Variants in UNC5C observed in about 807,000 individuals in gnomAD.
UNC5C encodes netrin receptor UNC5C.
A neutral mutation model predicts 99.8 loss-of-function variants in UNC5C; 47 were observed. That is an observed-to-expected ratio of 0.47 (90% CI 0.37 to 0.60). UNC5C has a LOEUF of 0.60. UNC5C is among the 20% of genes least tolerant of loss of function. The probability of loss-of-function intolerance (pLI) is 0.00; values close to 1 mark genes in which losing one functional copy is unlikely to be tolerated. For synonymous variants in UNC5C, 487 were observed against 452.2 expected (o/e 1.08, Z -0.98); for missense variants, 1,062 against 1,165.9 (o/e 0.91, Z 1.30).
chr4:95,454,265 C>T (rs1403932104), intron 1 of UNC5C, among the ~76,000 whole-genome samples: 1 of 143,916 alleles, frequency 6.9e-6, no homozygotes, highest in Non-Finnish European at 1.5e-5. Context: ...GTCAATCAGA[C>T]TCTTCACTCT....
intron 1 of UNC5C, among the ~76,000 whole-genome samples, chr4:95,423,322 T>G (rs1054493320): frequency 1.3e-5 from 2 of 152,222 alleles, no homozygotes; most frequent in Non-Finnish European, 2.9e-5. Flanking sequence ...ATTATCCACC[T>G]GTGTTCCCTG....
chr4:95,299,046 C>T (rs928859337), intron 3 of UNC5C, among the ~76,000 whole-genome samples: 1 of 152,172 alleles, frequency 6.6e-6, no homozygotes, highest in Admixed American at 6.5e-5. Context: ...ATTGGCTGAA[C>T]TACATCCCAT....
chr4:95,547,377 C>G (rs1288581102), intron 1 of UNC5C, among the ~76,000 whole-genome samples: 1 of 152,146 alleles, frequency 6.6e-6, no homozygotes, highest in Non-Finnish European at 1.5e-5. Flanking sequence ...CGCTCTCCTC[C>G]GCTTCCAACA....
intron 1 of UNC5C, among the ~76,000 whole-genome samples, chr4:95,390,253 C>T (rs1031343403): frequency 6.6e-6 from 1 of 152,070 alleles, no homozygotes; most frequent in Non-Finnish European, 1.5e-5. Flanking sequence ...AGATGCTTAG[C>T]CTGAAACTAG....
intron 1 of UNC5C, among the ~76,000 whole-genome samples, chr4:95,498,819 G>A (rs1721695339): frequency 6.6e-6 from 1 of 151,612 alleles, no homozygotes; most frequent in Admixed American, 6.6e-5. Context: ...AACTTCATAA[G>A]GATTCTAAGT....
At chr4:95,485,893 T>C (rs1721314701) in intron 1 of UNC5C, among the ~76,000 whole-genome samples, 1 of 151,740 alleles carries the variant, frequency 6.6e-6, no homozygotes, top group Non-Finnish European at 1.5e-5. Context: ...CAACCACGCA[T>C]TTAATTATAC....
Position 95,169,525 on chromosome 4 carries a change from C to T in UNC5C, c.2631-126G>A, listed in dbSNP as rs971736780. The T allele has an allele frequency of 1.0e-5, 11 of 1,060,470 alleles. No homozygotes were observed. In the African/African-American group the frequency reaches 1.7e-4, roughly 17 times the overall value. The allele number at this position is 1,060,470 out of a possible 1,614,324, so 65.7% of individuals were successfully genotyped here. A position where few individuals can be genotyped will look rare whatever the true frequency, so the allele number is the denominator to read the frequency against. ...GGTCCCATTGTGGCTGACAGTGAGC[C>T]ATCCTAAATAACTAGCCCATGCTTA... On this transcript the variant is annotated intron_variant, in intron 15 of 15. Coordinates refer to ENST00000453304, the MANE Select transcript of UNC5C (RefSeq NM_003728.4).
intron 1 of UNC5C, among the ~76,000 whole-genome samples, chr4:95,494,326 GC>G (rs1253537602): frequency 6.6e-6 from 1 of 151,422 alleles, no homozygotes; most frequent in Non-Finnish European, 1.5e-5. Context: ...TATTCAACTG[GC>G]TTATTAGTAA....
At chr4:95,527,297 G>C (rs925728180) in intron 1 of UNC5C, among the ~76,000 whole-genome samples, 2 of 151,944 alleles carry the variant, frequency 1.3e-5, no homozygotes, top group African/African-American at 4.8e-5. Flanking sequence ...ATTTTTTCCT[G>C]CCTTTGACAT....
At chr4:95,536,017 A>G (rs2149494256) in intron 1 of UNC5C, among the ~76,000 whole-genome samples, 1 of 151,178 alleles carries the variant, frequency 6.6e-6, no homozygotes, top group Admixed American at 6.6e-5. Context: ...TCAAGTAAGG[A>G]TCAATCCATA....
chr4:95,458,415 C>T (rs931386108), intron 1 of UNC5C, among the ~76,000 whole-genome samples: 5 of 151,936 alleles, frequency 3.3e-5, no homozygotes, highest in Non-Finnish European at 7.4e-5. Flanking sequence ...CTGCTTTTCC[C>T]GTTAGATATC....
chr4:95,390,798 C>G (rs968532740), intron 1 of UNC5C, among the ~76,000 whole-genome samples: 4 of 152,130 alleles, frequency 2.6e-5, no homozygotes, highest in African/African-American at 9.7e-5. Context: ...ACAATCATGG[C>G]TCACTGCAAG....
intron 11 of UNC5C, among the ~76,000 whole-genome samples, chr4:95,205,990 A>G (rs375044333): frequency 6.6e-6 from 1 of 150,596 alleles, no homozygotes; most frequent in Non-Finnish European, 1.5e-5. Flanking sequence ...TTATATACGT[A>G]TATATACATA....
chr4:95,456,914 G>T (rs1747443546), intron 1 of UNC5C, among the ~76,000 whole-genome samples: 1 of 152,010 alleles, frequency 6.6e-6, no homozygotes, highest in Non-Finnish European at 1.5e-5. Context: ...CTGAAGAAAT[G>T]ACTGACTTTT....
At chr4:95,251,068 G>T (rs1244483494) in intron 4 of UNC5C, among the ~76,000 whole-genome samples, 1 of 152,150 alleles carries the variant, frequency 6.6e-6, no homozygotes, top group Non-Finnish European at 1.5e-5. Context: ...TTCACTATTT[G>T]ATTTGTTTAC....
At chr4:95,500,762 T>C (rs1034647898) in intron 1 of UNC5C, among the ~76,000 whole-genome samples, 38 of 152,166 alleles carry the variant, frequency 2.5e-4, no homozygotes, top group African/African-American at 9.2e-4. Context: ...TGTTAGCTAA[T>C]AGTTTTTAGC....
chr4:95,267,119 T>C (rs1740478037), intron 4 of UNC5C, among the ~76,000 whole-genome samples: 1 of 152,228 alleles, frequency 6.6e-6, no homozygotes, highest in Admixed American at 6.5e-5. Flanking sequence ...TTTAGAATTA[T>C]AACTATGCTC....
chr4:95,250,814 G>A, intron 4 of UNC5C, 147 bp from the exon 5 acceptor site: 2 of 820,282 alleles, frequency 2.4e-6, no homozygotes, highest in Non-Finnish European at 3.7e-6. Context: ...GTTGTTCCAG[G>A]CCATGAACTT....
intron 12 of UNC5C, among the ~76,000 whole-genome samples, chr4:95,198,935 A>G (rs1488625342): frequency 6.6e-6 from 1 of 152,184 alleles, no homozygotes; most frequent in African/African-American, 2.4e-5. Flanking sequence ...TGGTGGCACA[A>G]TAGAATAACC....
Sources: allele counts gnomAD v4.1 joint callset (sites outside exome capture counted in the v4.1 genomes callset), GRCh38; gene constraint gnomAD v4.1.1; transcripts MANE v1.5; gene names NCBI Gene and HGNC (gene_info 2026-07-23, HGNC 2026-07-21).